The following EPS8 variants were observed in gnomAD, a reference collection of about 807,000 sequenced individuals.
The protein encoded by EPS8 is epidermal growth factor receptor kinase substrate 8.
Under a neutral mutation model 103.8 loss-of-function variants are expected in EPS8, and 42 were observed. The ratio of observed to expected loss-of-function variants is 0.40; its 90% CI spans 0.32 to 0.52. The LOEUF (loss-of-function observed/expected upper bound fraction) is 0.52, where lower values mean the gene tolerates loss of function less well. Among genes scored for constraint, EPS8 ranks in the 20% least tolerant of loss-of-function variants. The pLI is 0.40. For missense variants in EPS8, 969 were observed against 1,005.1 expected (o/e 0.96, Z 0.49); for synonymous variants, 344 against 344.6 (o/e 1.00, Z 0.02).
rs1191238285 is a variant in EPS8, at chr12:15,725,700, C to G, written c.-21-42728G>C. ...CATTATCTCATTAAAAGAATCCTGA[C>G]TCATCATCATCAAATAACAGAGAAA... is the stretch of plus-strand genomic sequence containing the variant. On this transcript the variant is annotated intron_variant, in intron 1 of 20. Transcript: ENST00000281172. The surrounding 1 kb of genome is among the most constrained non-coding windows in gnomAD (Gnocchi z 4.5). 6.6e-6 allele frequency among the ~76,000 whole-genome samples: 1 copy of G among 152,114 alleles called. No homozygotes were observed. The highest frequency in any genetic ancestry group is 1.5e-5 in the Non-Finnish European group (1 of 68,028).
At chr12:15,672,381 C>A (rs900025828) in intron 3 of EPS8, 1 of 397,398 alleles carries the variant, frequency 2.5e-6, no homozygotes, top group Admixed American at 4.4e-5. Flanking sequence ...TTCCAATACA[C>A]TCCATTTTTG....
chr12:15,697,099 G>A lies in EPS8; in HGVS notation c.-21-14127C>T, dbSNP rs1946253534. On this transcript the variant is annotated intron_variant, in intron 1 of 20. Transcript: ENST00000281172. This position sits in a 1 kb window ranked among gnomAD's most constrained non-coding sequence, Gnocchi z 5.6. Reference sequence around the variant, plus strand: ...CCATCTCTAACCAACTGGGAAAATGGCCTATAGACTGAAGAAGGGAAAACT... The same window carrying A: ...CCATCTCTAACCAACTGGGAAAATGACCTATAGACTGAAGAAGGGAAAACT... Among the ~76,000 whole-genome samples the A allele has an allele frequency of 6.6e-6, 1 of 152,116 alleles. No individual in the cohort carries two copies. Among genetic ancestry groups the A allele is most frequent in the Non-Finnish European group, 1.5e-5 (1 of 68,024 alleles).
Position 15,624,310 on chromosome 12 carries a change from C to CTGCCG in EPS8, c.2137_2141dup (p.Gln714HisfsTer19). 6.2e-7 allele frequency: 1 copy of CTGCCG among 1,613,780 alleles called. No homozygotes were observed. Among genetic ancestry groups the CTGCCG allele is most frequent in the Non-Finnish European group, 8.5e-7 (1 of 1,179,782 alleles). On this transcript the variant is annotated frameshift_variant, in exon 19 of 21. Coordinates refer to ENST00000281172, the MANE Select transcript of EPS8 (RefSeq NM_004447.6). LOFTEE classifies it high-confidence loss of function. The stretch of plus-strand genomic sequence containing the variant: ...AAGTGATATTGATAACTGGCACGTT[C>CTGCCG]TGCCGTGGCACATGGAATTTCTTCT...
chr12:15,782,423 C>T (rs1039254208), intron 1 of EPS8, among the ~76,000 whole-genome samples: 3 of 152,086 alleles, frequency 2.0e-5, no homozygotes, highest in African/African-American at 7.2e-5. Flanking sequence ...ATCACCTGGG[C>T]CTGGGTGGTT....
At position 15,749,777 on chromosome 12, in the gene EPS8, CTTT is replaced by C. The variant is rs1469188912; in HGVS notation, c.-22+39381_-22+39383del. 2.0e-5 allele frequency among the ~76,000 whole-genome samples: 3 copies of C among 152,224 alleles called. No individual in the cohort carries two copies. Among genetic ancestry groups the C allele is most frequent in the Non-Finnish European group, 2.9e-5 (2 of 67,990 alleles). Reference sequence around the variant, plus strand: ...ATGTTGAGATTATAGATATTTTCTTCTTTATTTTCTGTTTTCTAACATTAGTTA... The same window carrying C: ...ATGTTGAGATTATAGATATTTTCTTCATTTTCTGTTTTCTAACATTAGTTA... On this transcript the variant is annotated intron_variant, in intron 1 of 20. Coordinates refer to ENST00000281172, the MANE Select transcript of EPS8 (RefSeq NM_004447.6). The surrounding 1 kb of genome is among the most constrained non-coding windows in gnomAD (Gnocchi z 4.0).
chr12:15,627,313 GT>G (rs147272261), intron 18 of EPS8, among the ~76,000 whole-genome samples: 10 of 152,064 alleles, frequency 6.6e-5, no homozygotes, highest in Non-Finnish European at 1.2e-4. Context: ...CAACTTAATC[GT>G]TTTTTAACCT....
chr12:15,688,823 G>A lies in EPS8; in HGVS notation c.-21-5851C>T, dbSNP rs372168782. ...GAAAACCCCCTGTCCTTGCAATAAG[G>A]TAGAGGATCTAATTGAGCTGGTTAA... On this transcript the variant is annotated intron_variant, in intron 1 of 20. Coordinates refer to ENST00000281172, the MANE Select transcript of EPS8 (RefSeq NM_004447.6). The surrounding 1 kb of genome is among the most constrained non-coding windows in gnomAD (Gnocchi z 5.1). 6.6e-6 allele frequency among the ~76,000 whole-genome samples: 1 copy of A among 152,180 alleles called. No individual in the cohort carries two copies. The highest frequency in any genetic ancestry group is 1.5e-5 in the Non-Finnish European group (1 of 68,042).
rs972982853 is a variant in EPS8 at position 15,669,706 on chromosome 12, T to C, written c.324A>G (p.Gln108=). 7 of 1,612,792 alleles carry C rather than the reference T, an allele frequency of 4.3e-6. No individual in the cohort carries two copies. The East Asian group carries it at 8.9e-5, about 21-fold the overall frequency. The stretch of plus-strand genomic sequence containing the variant: ...TCAGGCTCACAGCTCTGTCATCCAC[T>C]TGAAGAATCATATCTTGAGTCCACA... ...GKVWTQDMIL[Q]VDDRAVSLID... The change falls in exon 5 of 21, where the codon CAA becomes CAG. Residue 108 remains glutamine (Q), a synonymous_variant. Coordinates refer to ENST00000281172, the MANE Select transcript of EPS8 (RefSeq NM_004447.6).
chr12:15,678,756 A>G (rs1158860879), intron 3 of EPS8, among the ~76,000 whole-genome samples: 1 of 152,010 alleles, frequency 6.6e-6, no homozygotes, highest in Non-Finnish European at 1.5e-5. Flanking sequence ...TCTACTAAAA[A>G]TGAAAAAATT....
rs1947039979 is a variant in EPS8 at position 15,761,425 on chromosome 12, A to G, written c.-22+27736T>C. Among the ~76,000 whole-genome samples the G allele has an allele frequency of 6.6e-6, 1 of 152,138 alleles. No homozygotes were observed. Among genetic ancestry groups the G allele is most frequent in the African/African-American group, 2.4e-5 (1 of 41,454 alleles). ...TCCATGACATTCTTCACAGAAATAG[A>G]AAAAACAATCCTAAAATTTATATGG... On this transcript the variant is annotated intron_variant, in intron 1 of 20. Coordinates refer to ENST00000281172, the MANE Select transcript of EPS8 (RefSeq NM_004447.6). The surrounding 1 kb of genome is among the most constrained non-coding windows in gnomAD (Gnocchi z 4.5).
Position 15,669,493 on chromosome 12 carries a change from T to C in EPS8, c.410A>G (p.Gln137Arg). 6.2e-7 allele frequency: 1 copy of C among 1,613,466 alleles called. No individual in the cohort carries two copies. The highest frequency in any genetic ancestry group is 8.5e-7 in the Non-Finnish European group (1 of 1,179,736). Reference protein sequence around the residue: ...NFPLNTIQHCQAVMHSCSYDS... With the variant: ...NFPLNTIQHCRAVMHSCSYDS... ...ATAGCTGCATGAATGCATCACAGCT[T>C]GGCAGTGCTGGATTGTGTTTAAAGG... The change falls in exon 6 of 21, where the codon CAA becomes CGA. Residue 137 changes from glutamine (Q) to arginine (R), a missense_variant. Coordinates refer to ENST00000281172, the MANE Select transcript of EPS8 (RefSeq NM_004447.6).
rs563594257 is a variant in EPS8, at chr12:15,784,069, C to T, written c.-22+5092G>A. Among the ~76,000 whole-genome samples, 11 of 152,068 alleles carry T rather than the reference C, an allele frequency of 7.2e-5. No homozygotes were observed. The South Asian group carries it at 2.3e-3, about 32-fold the overall frequency. ...AAAACTATAAAACTTCTAGGAAAAACACAGGATAAAATCTATGTAGCCTTG... is the reference window on the plus strand; with the variant it reads ...AAAACTATAAAACTTCTAGGAAAAATACAGGATAAAATCTATGTAGCCTTG... On this transcript the variant is annotated intron_variant, in intron 1 of 20. Transcript: ENST00000281172. This position sits in a 1 kb window ranked among gnomAD's most constrained non-coding sequence, Gnocchi z 4.0.
chr12:15,742,804 C>T (rs964583619), intron 1 of EPS8, among the ~76,000 whole-genome samples: 7 of 152,054 alleles, frequency 4.6e-5, no homozygotes, highest in Non-Finnish European at 1.0e-4. Context: ...CCAATAATAC[C>T]ATATTGAATG....
At position 15,776,210 on chromosome 12, in the gene EPS8, T is replaced by C. The variant is rs561066573; in HGVS notation, c.-22+12951A>G. On this transcript the variant is annotated intron_variant, in intron 1 of 20. Transcript: ENST00000281172. The surrounding 1 kb of genome is among the most constrained non-coding windows in gnomAD (Gnocchi z 4.2). The stretch of plus-strand genomic sequence containing the variant: ...TCAGTAACAGAAATAGCAAGAATAA[T>C]TAGAAAGGGAGGAAGAAGCAGCTGA... Among the ~76,000 whole-genome samples, 3 of 152,260 alleles carry C rather than the reference T, an allele frequency of 2.0e-5. No homozygotes were observed. Among genetic ancestry groups the C allele is most frequent in the Admixed American group, 2.0e-4 (3 of 15,294 alleles).
chr12:15,752,684 G>A lies in EPS8; in HGVS notation c.-22+36477C>T, dbSNP rs965299324. ...CCCTTCTCCTGCTCAGGAGGTAGAG[G>A]AGATGGGCCTGAGAAGTTATACCCC... On this transcript the variant is annotated intron_variant, in intron 1 of 20. Coordinates refer to ENST00000281172, the MANE Select transcript of EPS8 (RefSeq NM_004447.6). The surrounding 1 kb of genome is among the most constrained non-coding windows in gnomAD (Gnocchi z 4.4). Among the ~76,000 whole-genome samples, 4 of 152,012 alleles carry A rather than the reference G, an allele frequency of 2.6e-5. No individual in the cohort carries two copies. The highest frequency in any genetic ancestry group is 9.7e-5 in the African/African-American group (4 of 41,354).
At chr12:15,703,579 T>G (rs2970187) in intron 1 of EPS8, among the ~76,000 whole-genome samples, 34,784 of 151,634 alleles carry the variant, frequency 0.23, 4,406 homozygotes, top group Admixed American at 0.37. Context: ...GAAAAGAAGA[T>G]GTGATGAAGA....
Position 15,757,953 on chromosome 12 carries a change from A to G in EPS8, c.-22+31208T>C, listed in dbSNP as rs1947004421. Among the ~76,000 whole-genome samples the G allele has an allele frequency of 6.6e-6, 1 of 152,212 alleles. No homozygotes were observed. The highest frequency in any genetic ancestry group is 2.1e-4 in the South Asian group (1 of 4,830). ...TGCTCCTCATGCCTACTCAACTGGAAAACTCAAAAGCCAGCGGTTGGAATC... is the reference window on the plus strand; with the variant it reads ...TGCTCCTCATGCCTACTCAACTGGAGAACTCAAAAGCCAGCGGTTGGAATC... On this transcript the variant is annotated intron_variant, in intron 1 of 20. Transcript: ENST00000281172. This position sits in a 1 kb window ranked among gnomAD's most constrained non-coding sequence, Gnocchi z 4.1.
intron 19 of EPS8, 144 bp from the exon 20 acceptor site, chr12:15,623,431 T>C (rs1403411473): frequency 3.1e-6 from 2 of 647,732 alleles, no homozygotes; most frequent in East Asian, 2.8e-5. Context: ...CTACAGTCTT[T>C]ATAGTTAGGG....
At chr12:15,709,149 C>T (rs1164450195) in intron 1 of EPS8, among the ~76,000 whole-genome samples, 1 of 152,150 alleles carries the variant, frequency 6.6e-6, no homozygotes, top group Non-Finnish European at 1.5e-5. Flanking sequence ...GTACTGAATG[C>T]AAGGCAACCT....
Sources: allele counts gnomAD v4.1 joint callset (sites outside exome capture counted in the v4.1 genomes callset), GRCh38; gene constraint gnomAD v4.1.1; non-coding constraint Gnocchi (gnomAD v3.1); transcripts MANE v1.5; gene names NCBI Gene and HGNC (gene_info 2026-07-23, HGNC 2026-07-21).